The following KAZN variants were observed in gnomAD, a reference collection of about 807,000 sequenced individuals.
The protein encoded by KAZN is kazrin, periplakin interacting protein, also known as kazrin.
Under a neutral mutation model 87.4 loss-of-function variants are expected in KAZN, and 40 were observed. That is an observed-to-expected ratio of 0.46 (90% CI 0.36 to 0.60). The LOEUF is 0.60. Among genes scored for constraint, KAZN ranks in the 20% least tolerant of loss-of-function variants. KAZN has a pLI of 0.00. For missense variants in KAZN, 898 were observed against 1,073.9 expected, an observed-to-expected ratio of 0.84 and a Z score of 2.29; for synonymous variants, 466 against 458.3, an observed-to-expected ratio of 1.02 and a Z score of -0.22.
At chr1:13,992,451 C>G (rs1332116117) in intron 1 of KAZN, among the ~76,000 whole-genome samples, 4 of 152,268 alleles carry the variant, frequency 2.6e-5, no homozygotes, top group Middle Eastern at 6.8e-3. Context: ...GAAATTCTCT[C>G]CCCTTAAGTA....
intron 2 of KAZN, among the ~76,000 whole-genome samples, chr1:14,425,719 C>T (rs565041381): frequency 2.0e-5 from 3 of 152,306 alleles, no homozygotes; most frequent in East Asian, 1.9e-4. Context: ...GATTGCTCCA[C>T]CTGCATTATC....
intron 1 of KAZN, among the ~76,000 whole-genome samples, chr1:14,087,595 A>G (rs1284638135): frequency 2.6e-5 from 4 of 152,022 alleles, no homozygotes; most frequent in African/African-American, 9.7e-5. Context: ...ATAGAGTTTT[A>G]GATATGTTTC....
rs370330281 is a variant in KAZN, at chr1:14,006,035, A to G, written c.91+112279A>G. Among the ~76,000 whole-genome samples the G allele has an allele frequency of 1.4e-4, 22 of 152,298 alleles. No individual in the cohort carries two copies. In the East Asian group the frequency reaches 2.1e-3, roughly 15 times the overall value. The stretch of plus-strand genomic sequence containing the variant: ...GTAGATGCATTCTCAGGATTCAAAT[A>G]TATATATTTTGGATATTAATCTCTT... On this transcript the variant is annotated intron_variant, in intron 1 of 16. Coordinates refer to the KAZN transcript ENST00000636203.
At chr1:15,051,709 C>A (rs1674425607) in intron 4 of KAZN, among the ~76,000 whole-genome samples, 1 of 152,184 alleles carries the variant, frequency 6.6e-6, no homozygotes, top group African/African-American at 2.4e-5. Context: ...GAGCCAGAAC[C>A]AAATCCAGAC....
chr1:14,586,144 C>T (rs764640846), intron 2 of KAZN, among the ~76,000 whole-genome samples: 11 of 152,202 alleles, frequency 7.2e-5, no homozygotes, highest in Non-Finnish European at 1.3e-4. Context: ...TTCTGGAAGA[C>T]TCGGTTGCCA....
At chr1:15,019,412 A>G (rs939054000) in intron 2 of KAZN, among the ~76,000 whole-genome samples, 4 of 152,166 alleles carry the variant, frequency 2.6e-5, no homozygotes, top group African/African-American at 9.7e-5. Flanking sequence ...TCTTTGAGAC[A>G]GAGTCTTGCT....
At chr1:13,901,407 GGATATT>G (rs1471132749) in intron 1 of KAZN, among the ~76,000 whole-genome samples, 4 of 152,172 alleles carry the variant, frequency 2.6e-5, no homozygotes, top group African/African-American at 9.7e-5. Context: ...GGGAAGAAGC[GGATATT>G]TGGTCTGAAA....
At chr1:14,969,568 TTACA>T (rs1249036556) in intron 2 of KAZN, among the ~76,000 whole-genome samples, 1 of 152,224 alleles carries the variant, frequency 6.6e-6, no homozygotes, top group East Asian at 1.9e-4. Flanking sequence ...AATGTCTTCC[TTACA>T]TACTACCGGC....
chr1:14,462,520 G>A (rs1338610797), intron 2 of KAZN, among the ~76,000 whole-genome samples: 2 of 152,080 alleles, frequency 1.3e-5, no homozygotes, highest in Non-Finnish European at 2.9e-5. Flanking sequence ...CTTTTGCTTG[G>A]GGGGCTTAGC....
intron 2 of KAZN, among the ~76,000 whole-genome samples, chr1:14,352,048 C>T (rs142088025): frequency 2.8e-4 from 43 of 152,236 alleles, no homozygotes; most frequent in Non-Finnish European, 5.7e-4. Context: ...TTTACAAACA[C>T]GTGTTTATTT....
intron 1 of KAZN, among the ~76,000 whole-genome samples, chr1:14,765,134 G>C (rs950726456): frequency 1.3e-5 from 2 of 152,154 alleles, no homozygotes; most frequent in African/African-American, 4.8e-5. Context: ...TCTTGGTTGT[G>C]GGGGGCTGTC....
chr1:14,126,970 G>T (rs1450213328), intron 1 of KAZN, among the ~76,000 whole-genome samples: 2 of 152,218 alleles, frequency 1.3e-5, no homozygotes, highest in Non-Finnish European at 2.9e-5. Flanking sequence ...GCCAGGCATG[G>T]TGGTAGGCGC....
intron 2 of KAZN, among the ~76,000 whole-genome samples, chr1:14,503,843 T>G (rs1670403862): frequency 6.6e-6 from 1 of 152,144 alleles, no homozygotes; most frequent in Admixed American, 6.5e-5. Flanking sequence ...TCCTCAGGAC[T>G]TGGAATCACT....
intron 2 of KAZN, among the ~76,000 whole-genome samples, chr1:14,558,264 G>A (rs1351202300): frequency 3.3e-5 from 5 of 152,144 alleles, no homozygotes; most frequent in Admixed American, 6.5e-5. Context: ...TACACTAGTC[G>A]CCAAAATGAA....
chr1:13,982,341 G>A (rs926866682), intron 1 of KAZN, among the ~76,000 whole-genome samples: 3 of 152,196 alleles, frequency 2.0e-5, no homozygotes, highest in Non-Finnish European at 2.9e-5. Context: ...CGCGTCTGGA[G>A]TTTGTTCCTT....
chr1:14,038,358 T>C (rs1025476506), intron 1 of KAZN, among the ~76,000 whole-genome samples: 13 of 152,012 alleles, frequency 8.6e-5, no homozygotes, highest in African/African-American at 3.1e-4. Context: ...AAGTTAGCCA[T>C]ATGGTTCTCT....
intron 4 of KAZN, among the ~76,000 whole-genome samples, chr1:15,046,023 C>T (rs776511453): frequency 1.4e-4 from 22 of 152,164 alleles, no homozygotes; most frequent in Non-Finnish European, 3.2e-4. Context: ...TCAGGCCGGA[C>T]GTGGTGGCTC....
At chr1:14,566,866 C>G (rs550465717) in intron 2 of KAZN, among the ~76,000 whole-genome samples, 6 of 152,332 alleles carry the variant, frequency 3.9e-5, no homozygotes, top group African/African-American at 1.4e-4. Context: ...GGATTTTAGG[C>G]TTTGGCTTAA....
chr1:13,958,273 C>G (rs1392943086), intron 1 of KAZN, among the ~76,000 whole-genome samples: 1 of 152,098 alleles, frequency 6.6e-6, no homozygotes, highest in Non-Finnish European at 1.5e-5. Context: ...TTCCACTTCA[C>G]TAAAAATTAA....
Sources: gnomAD v4.1 joint callset for allele counts (sites outside exome capture counted in the v4.1 genomes callset) on GRCh38, gnomAD v4.1.1 for gene constraint, MANE v1.5 for transcripts, NCBI Gene and HGNC (gene_info 2026-07-23, HGNC 2026-07-21) for gene names.